Variants in IL11 observed in about 807,000 individuals in gnomAD.
IL11 encodes interleukin 11, also known as interleukin-11.
IL11 carries 17 observed loss-of-function variants against 18.1 expected under a neutral mutation model. The ratio of observed to expected loss-of-function variants is 0.94; its 90% CI spans 0.64 to 1.41. IL11 has a LOEUF of 1.41. Ranked by LOEUF, IL11 falls within the 40% of genes most tolerant of loss-of-function variation. IL11 has a pLI of 0.00. For synonymous variants in IL11, 144 were observed against 134.1 expected (o/e 1.07, Z -0.51); for missense variants, 309 against 262.8 (o/e 1.18, Z -1.22).
Position 55,368,336 on chromosome 19 carries a change from T to A in IL11, c.303A>T (p.Leu101=). The change falls in exon 4 of 5, where the codon CTA becomes CTT. Residue 101 remains leucine, a synonymous_variant. Coordinates refer to ENST00000264563, the MANE Select transcript of IL11 (RefSeq NM_000641.4). ...ACTGCACGTGCCGCAGGTAGGACAG[T>A]AGGTCCGCTCGCAGCCTTGTCAGCA... is the stretch of plus-strand genomic sequence containing the variant. The part of the protein sequence containing the change: ...PGVLTRLRAD[L]LSYLRHVQWL... 7 of 1,601,124 alleles carry A rather than the reference T, an allele frequency of 4.4e-6. No individual in the cohort carries two copies. Among genetic ancestry groups the A allele is most frequent in the Non-Finnish European group, 6.0e-6 (7 of 1,172,562 alleles).
chr19:55,370,227 T>G (rs2089814076), intron 1 of IL11, 77 bp downstream of exon 1: 3 of 1,128,386 alleles, frequency 2.7e-6, no homozygotes, highest in Non-Finnish European at 3.9e-6. Flanking sequence ...CTCAGCGGGG[T>G]CTGCTCCCAC....
intron 4 of IL11, among the ~76,000 whole-genome samples, chr19:55,367,450 CTTTTTTTTTTT>C (rs980514763): frequency 1.1e-4 from 8 of 69,816 alleles, no homozygotes; most frequent in Non-Finnish European, 1.8e-4. Flanking sequence ...TCTTTTCCTT[CTTTTTTTTTTT>C]TTTTTTTTTT....
rs931343160 is a variant in IL11 at position 55,370,386 on chromosome 19, C to T, written c.-76G>A. The T allele has an allele frequency of 3.9e-6, 5 of 1,289,876 alleles. No individual in the cohort carries two copies. The highest frequency in any genetic ancestry group is 1.0e-6 in the Non-Finnish European group (1 of 990,892). 79.9% of individuals were successfully genotyped at this position (1,289,876 alleles called of 1,614,324 possible). A position where few individuals can be genotyped will look rare whatever the true frequency, so the allele number is the denominator to read the frequency against. On this transcript the variant is annotated 5_prime_UTR_variant, in exon 1 of 5. Coordinates refer to ENST00000264563, the MANE Select transcript of IL11 (RefSeq NM_000641.4). ...CCTTTAACCCTTCCCTGTCCGCTGCCGGGGGAGCCCCGAGGGTCAGCTGGG... is the reference window on the plus strand; with the variant it reads ...CCTTTAACCCTTCCCTGTCCGCTGCTGGGGGAGCCCCGAGGGTCAGCTGGG...
At position 55,365,913 on chromosome 19, in the gene IL11, G is replaced by T; in HGVS notation, c.*94C>A. On this transcript the variant is annotated 3_prime_UTR_variant, in exon 5 of 5. Coordinates refer to ENST00000264563, the MANE Select transcript of IL11 (RefSeq NM_000641.4). ...TCTCTAACTAGGGGGAGATAATGGC[G>T]GGGGGATCACCTGGCTGTTTCGCCC... The T allele has an allele frequency of 6.6e-7, 1 of 1,526,010 alleles. No homozygotes were observed. The highest frequency in any genetic ancestry group is 1.2e-5 in the South Asian group (1 of 82,418). The allele number at this position is 1,526,010 out of a possible 1,614,324, so 94.5% of individuals were successfully genotyped here. A position where few individuals can be genotyped will look rare whatever the true frequency, so the allele number is the denominator to read the frequency against.
chr19:55,366,251 T>C lies in IL11; in HGVS notation c.430-74A>G. 1 of 1,409,576 alleles carries C rather than the reference T, an allele frequency of 7.1e-7. No homozygotes were observed. Among genetic ancestry groups the C allele is most frequent in the South Asian group, 1.5e-5 (1 of 65,752 alleles). 87.3% of individuals were successfully genotyped at this position (1,409,576 alleles called of 1,614,324 possible). On this transcript the variant is annotated intron_variant, in intron 4 of 4. Transcript: ENST00000264563. The surrounding 1 kb of genome is among the most constrained non-coding windows in gnomAD (Gnocchi z 4.6). ...GTGCAGGGCAGGGGTGCTGTGGAGC[T>C]GCAGCTGAATCGGGGCTGCATATTC... is the stretch of plus-strand genomic sequence containing the variant.
Position 55,366,249 on chromosome 19 carries a change from G to C in IL11, c.430-72C>G. The C allele has an allele frequency of 7.1e-7, 1 of 1,413,142 alleles. No individual in the cohort carries two copies. The highest frequency in any genetic ancestry group is 9.3e-7 in the Non-Finnish European group (1 of 1,079,030). 87.5% of individuals were successfully genotyped at this position (1,413,142 alleles called of 1,614,324 possible). A position where few individuals can be genotyped will look rare whatever the true frequency, so the allele number is the denominator to read the frequency against. On this transcript the variant is annotated intron_variant, in intron 4 of 4. Coordinates refer to ENST00000264563, the MANE Select transcript of IL11 (RefSeq NM_000641.4). The surrounding 1 kb of genome is among the most constrained non-coding windows in gnomAD (Gnocchi z 4.6). The stretch of plus-strand genomic sequence containing the variant: ...GGGTGCAGGGCAGGGGTGCTGTGGA[G>C]CTGCAGCTGAATCGGGGCTGCATAT...
At position 55,369,905 on chromosome 19, in the gene IL11, G is replaced by A. The variant is rs2089812028; in HGVS notation, c.7+399C>T. Among the ~76,000 whole-genome samples, 1 of 151,870 alleles carries A rather than the reference G, an allele frequency of 6.6e-6. No homozygotes were observed. The highest frequency in any genetic ancestry group is 1.5e-5 in the Non-Finnish European group (1 of 67,932). On this transcript the variant is annotated intron_variant, in intron 1 of 4. Transcript: ENST00000264563. This position sits in a 1 kb window ranked among gnomAD's most constrained non-coding sequence, Gnocchi z 6.1. ...GCTTGCTCCGCTCTCCGCGGACCCT[G>A]CCTCAGTTTCCCTCCGGAGCCTCTC... is the stretch of plus-strand genomic sequence containing the variant.
At chr19:55,367,271 A>C (rs2089791276) in intron 4 of IL11, among the ~76,000 whole-genome samples, 1 of 151,790 alleles carries the variant, frequency 6.6e-6, no homozygotes, top group Non-Finnish European at 1.5e-5. Context: ...GGAGTGAGAC[A>C]TAGGGCCTCA....
rs530632959 is a variant in IL11 at position 55,366,262 on chromosome 19, C to T, written c.430-85G>A. 164 of 1,385,198 alleles carry T rather than the reference C, an allele frequency of 1.2e-4. 2 individuals are homozygous for T. The South Asian group carries it at 2.0e-3, about 17-fold the overall frequency. 85.8% of individuals were successfully genotyped at this position (1,385,198 alleles called of 1,614,324 possible). On this transcript the variant is annotated intron_variant, in intron 4 of 4. Transcript: ENST00000264563. The surrounding 1 kb of genome is among the most constrained non-coding windows in gnomAD (Gnocchi z 4.6). Reference sequence around the variant, plus strand: ...GGGTGCTGTGGAGCTGCAGCTGAATCGGGGCTGCATATTCACAGGGGGACT... The same window carrying T: ...GGGTGCTGTGGAGCTGCAGCTGAATTGGGGCTGCATATTCACAGGGGGACT...
In IL11 at chr19:55,369,757, G is replaced by C. The variant is rs944429493; in HGVS notation, c.7+547C>G. On this transcript the variant is annotated intron_variant, in intron 1 of 4. Coordinates refer to ENST00000264563, the MANE Select transcript of IL11 (RefSeq NM_000641.4). This position sits in a 1 kb window ranked among gnomAD's most constrained non-coding sequence, Gnocchi z 6.1. ...CCCGCGCCTCGCACACCCCCAGCCC[G>C]CCCCCCGGGCCCGCCAGCCGTCGGT... 1.2e-5 allele frequency among the ~76,000 whole-genome samples: 1 copy of C among 86,020 alleles called. No individual in the cohort carries two copies. Among genetic ancestry groups the C allele is most frequent in the Middle Eastern group, 6.8e-3 (1 of 146 alleles). 56.4% of individuals were successfully genotyped at this position (86,020 alleles called of 152,430 possible).
At chr19:55,367,450 CTTTTTTTTT>C (rs980514763) in intron 4 of IL11, among the ~76,000 whole-genome samples, 67 of 69,820 alleles carry the variant, frequency 9.6e-4, no homozygotes, top group African/African-American at 3.2e-3. Context: ...TCTTTTCCTT[CTTTTTTTTT>C]TTTTTTTTTT....
At chr19:55,370,204 CCT>C in intron 1 of IL11, 98 bp downstream of exon 1, 5 of 901,886 alleles carry the variant, frequency 5.5e-6, no homozygotes, top group South Asian at 2.9e-5. Context: ...TCTCCGGGTC[CCT>C]CTCTGTGCGA....
rs910376194 is a variant in IL11 at position 55,370,364 on chromosome 19, T to G, written c.-54A>C. ...GCAGGGGGCAGGGAGCCGGGGGCCTTTAACCCTTCCCTGTCCGCTGCCGGG... is the reference window on the plus strand; with the variant it reads ...GCAGGGGGCAGGGAGCCGGGGGCCTGTAACCCTTCCCTGTCCGCTGCCGGG... On this transcript the variant is annotated 5_prime_UTR_variant, in exon 1 of 5. Coordinates refer to ENST00000264563, the MANE Select transcript of IL11 (RefSeq NM_000641.4). 2 of 1,378,980 alleles carry G rather than the reference T, an allele frequency of 1.5e-6. No individual in the cohort carries two copies. The highest frequency in any genetic ancestry group is 3.0e-5 in the African/African-American group (2 of 66,030). The allele number at this position is 1,378,980 out of a possible 1,614,324, so 85.4% of individuals were successfully genotyped here.
intron 4 of IL11, among the ~76,000 whole-genome samples, chr19:55,367,399 G>A (rs1408724791): frequency 1.3e-5 from 2 of 151,532 alleles, no homozygotes; most frequent in African/African-American, 4.8e-5. Flanking sequence ...AGGATCTCAG[G>A]GCTGGGGCCT....
chr19:55,368,998 G>C, intron 1 of IL11, 57 bp from the exon 2 acceptor site: 1,167 of 1,410,792 alleles, frequency 8.3e-4, no homozygotes, highest in Non-Finnish European at 1.0e-3. Context: ...AGAGAGGAGG[G>C]CCTGGGCCTG....
chr19:55,370,060 C>G (rs2089813020), intron 1 of IL11, among the ~76,000 whole-genome samples: 1 of 152,148 alleles, frequency 6.6e-6, no homozygotes, highest in Non-Finnish European at 1.5e-5. Flanking sequence ...CGCTCCCTCT[C>G]GGGGCCCTGT....
At chr19:55,367,969 TCAGGGCCA>T (rs1406401153) in intron 4 of IL11, among the ~76,000 whole-genome samples, 2 of 152,062 alleles carry the variant, frequency 1.3e-5, no homozygotes, top group Non-Finnish European at 2.9e-5. Flanking sequence ...CCTCAGGGTC[TCAGGGCCA>T]CAGGATCTTG....
rs753799788 is a variant in IL11, at chr19:55,368,500, C to A, written c.250G>T (p.Ala84Ser). 1 of 1,611,972 alleles carries A rather than the reference C, an allele frequency of 6.2e-7. No homozygotes were observed. Among genetic ancestry groups the A allele is most frequent in the Non-Finnish European group, 8.5e-7 (1 of 1,179,000 alleles). Residue 84 changes from alanine (A) to serine (S), a missense_variant, in exon 3 of 5, where the codon GCA becomes TCA. Coordinates refer to ENST00000264563, the MANE Select transcript of IL11 (RefSeq NM_000641.4). Reference protein sequence around the residue: ...SLPTLAMSAGALGALQLPGVL... With the variant: ...SLPTLAMSAGSLGALQLPGVL... ...GCCCTTACCTGTAGAGCTCCCAGTGCCCCCGCACTCATGGCCAGGGTGGGC... is the reference window on the plus strand; with the variant it reads ...GCCCTTACCTGTAGAGCTCCCAGTGACCCCGCACTCATGGCCAGGGTGGGC...
rs1401929880 is a variant in IL11, at chr19:55,365,824, CT to C, written c.*182del. Reference sequence around the variant, plus strand: ...CCAGGAGTCCACCTGCCTCCCACCCCTGCTCCTGAAATAAATAAGTATAAAT... The same window carrying C: ...CCAGGAGTCCACCTGCCTCCCACCCCGCTCCTGAAATAAATAAGTATAAAT... On this transcript the variant is annotated 3_prime_UTR_variant, in exon 5 of 5. Transcript: ENST00000264563. 1.0e-6 allele frequency: 1 copy of C among 997,272 alleles called. No homozygotes were observed. Among genetic ancestry groups the C allele is most frequent in the Non-Finnish European group, 1.4e-6 (1 of 705,302 alleles). 61.8% of individuals were successfully genotyped at this position (997,272 alleles called of 1,614,324 possible).
Sources: gnomAD v4.1 joint callset for allele counts (sites outside exome capture counted in the v4.1 genomes callset) on GRCh38, gnomAD v4.1.1 for gene constraint, Gnocchi (gnomAD v3.1) non-coding constraint, MANE v1.5 for transcripts, NCBI Gene and HGNC (gene_info 2026-07-23, HGNC 2026-07-21) for gene names.